Variants in KCNAB3 observed in about 807,000 individuals in gnomAD.
KCNAB3 encodes voltage-gated potassium channel subunit beta-3.
A neutral mutation model predicts 67.7 loss-of-function variants in KCNAB3; 62 were observed. The observed-to-expected ratio is 0.92, with a 90% CI of 0.75 to 1.13. The LOEUF (loss-of-function observed/expected upper bound fraction) is 1.13, where lower values mean the gene tolerates loss of function less well. Among genes scored for constraint, KCNAB3 ranks in the 50% most tolerant of loss-of-function variants. The pLI is 0.00. For synonymous variants in KCNAB3, 212 were observed against 205.4 expected, an observed-to-expected ratio of 1.03 and a Z score of -0.27; for missense variants, 514 against 522.9, an observed-to-expected ratio of 0.98 and a Z score of 0.17.
chr17:7,923,946 A>G (rs749101703), intron 11 of KCNAB3, 22 bp downstream of exon 11: 2 of 1,584,746 alleles, frequency 1.3e-6, no homozygotes, highest in Admixed American at 3.4e-5. Context: ...CAGTCCTGCC[A>G]TCGAGAGCCC....
Position 7,925,155 on chromosome 17 carries a change from C to T in KCNAB3, c.567G>A (p.Gln189=), listed in dbSNP as rs559870353. ...EGLRGSLERL[Q]LGYVDIVFAN... ...CAAAGACAATGTCCACGTATCCCAG[C>T]TGGAGGCGTTCCAGGGATCCTCGCA... The change falls in exon 8 of 14, where the codon CAG becomes CAA. Residue 189 remains glutamine (Q), a synonymous_variant. Coordinates refer to ENST00000303790, the MANE Select transcript of KCNAB3 (RefSeq NM_004732.4). 1 of 1,613,842 alleles carries T rather than the reference C, an allele frequency of 6.2e-7. No homozygotes were observed. Among genetic ancestry groups the T allele is most frequent in the African/African-American group, 1.3e-5 (1 of 75,008 alleles).
chr17:7,929,734 T>G lies in KCNAB3; in HGVS notation c.-299A>C. 6 of 1,244,504 alleles carry G rather than the reference T, an allele frequency of 4.8e-6. No homozygotes were observed. Among genetic ancestry groups the G allele is most frequent in the Non-Finnish European group, 5.1e-6 (5 of 986,096 alleles). The allele number at this position is 1,244,504 out of a possible 1,614,324, so 77.1% of individuals were successfully genotyped here. A position where few individuals can be genotyped will look rare whatever the true frequency, so the allele number is the denominator to read the frequency against. On this transcript the variant is annotated 5_prime_UTR_variant, in exon 1 of 14. Transcript: ENST00000303790. This position sits in a 1 kb window ranked among gnomAD's most constrained non-coding sequence, Gnocchi z 5.7. ...AATGGATGAGGGTAAAGGTCGAGGATGAGGTAAAGGTCTCGGAGGATAAGG... is the reference window on the plus strand; with the variant it reads ...AATGGATGAGGGTAAAGGTCGAGGAGGAGGTAAAGGTCTCGGAGGATAAGG...
rs1972094107 is a variant in KCNAB3 at position 7,923,090 on chromosome 17, G to A, written c.*12C>T. ...CAGCGACACCGGGTTGGGTCCCTGCGCCCGCGACAGACTACTTCTTGGAAT... is the reference window on the plus strand; with the variant it reads ...CAGCGACACCGGGTTGGGTCCCTGCACCCGCGACAGACTACTTCTTGGAAT... On this transcript the variant is annotated 3_prime_UTR_variant, in exon 14 of 14. Coordinates refer to ENST00000303790, the MANE Select transcript of KCNAB3 (RefSeq NM_004732.4). The A allele has an allele frequency of 6.2e-7, 1 of 1,613,598 alleles. No homozygotes were observed. Among genetic ancestry groups the A allele is most frequent in the Non-Finnish European group, 8.5e-7 (1 of 1,179,542 alleles).
At chr17:7,927,885 A>G in intron 1 of KCNAB3, 59 bp from the exon 2 acceptor site, 8 of 1,599,730 alleles carry the variant, frequency 5.0e-6, no homozygotes, top group Non-Finnish European at 6.8e-6. Context: ...TTAGATTATC[A>G]GCCCCCAGCT....
chr17:7,929,766 G>C lies in KCNAB3; in HGVS notation c.-331C>G, dbSNP rs1364048240. On this transcript the variant is annotated 5_prime_UTR_variant, in exon 1 of 14. Coordinates refer to ENST00000303790, the MANE Select transcript of KCNAB3 (RefSeq NM_004732.4). This position sits in a 1 kb window ranked among gnomAD's most constrained non-coding sequence, Gnocchi z 5.7. ...AAGGTCTCGGAGGATAAGGACCCAG[G>C]GGGAAGCGGGGCGGGAGAGAGATGC... The C allele has an allele frequency of 1.7e-6, 2 of 1,182,232 alleles. No individual in the cohort carries two copies. Among genetic ancestry groups the C allele is most frequent in the Non-Finnish European group, 2.1e-6 (2 of 948,882 alleles). 73.2% of individuals were successfully genotyped at this position (1,182,232 alleles called of 1,614,324 possible). A position where few individuals can be genotyped will look rare whatever the true frequency, so the allele number is the denominator to read the frequency against.
intron 9 of KCNAB3, 24 bp from the exon 10 acceptor site, chr17:7,924,289 A>G (rs779479251): frequency 1.2e-6 from 2 of 1,613,776 alleles, no homozygotes; most frequent in Non-Finnish European, 1.7e-6. Context: ...GGGGAAAAGA[A>G]AGTGGTCAGA....
chr17:7,929,045 A>C lies in KCNAB3; in HGVS notation c.242+149T>G. The C allele has an allele frequency of 8.0e-7, 1 of 1,243,280 alleles. No homozygotes were observed. Among genetic ancestry groups the C allele is most frequent in the Non-Finnish European group, 1.1e-6 (1 of 910,120 alleles). The allele number at this position is 1,243,280 out of a possible 1,614,324, so 77.0% of individuals were successfully genotyped here. A position where few individuals can be genotyped will look rare whatever the true frequency, so the allele number is the denominator to read the frequency against. The stretch of plus-strand genomic sequence containing the variant: ...TCGACAGAAACCAAGAGAGGGACAA[A>C]GTGAGGGAGTGCCAGAGACAGAAAG... On this transcript the variant is annotated intron_variant, in intron 1 of 13. Transcript: ENST00000303790. This position sits in a 1 kb window ranked among gnomAD's most constrained non-coding sequence, Gnocchi z 5.7.
chr17:7,929,754 A>C lies in KCNAB3; in HGVS notation c.-319T>G. 8.3e-7 allele frequency: 1 copy of C among 1,210,080 alleles called. No individual in the cohort carries two copies. Among genetic ancestry groups the C allele is most frequent in the South Asian group, 1.8e-5 (1 of 56,356 alleles). 75.0% of individuals were successfully genotyped at this position (1,210,080 alleles called of 1,614,324 possible). On this transcript the variant is annotated 5_prime_UTR_variant, in exon 1 of 14. Transcript: ENST00000303790. The surrounding 1 kb of genome is among the most constrained non-coding windows in gnomAD (Gnocchi z 5.7). ...GAGGATGAGGTAAAGGTCTCGGAGGATAAGGACCCAGGGGGAAGCGGGGCG... is the reference window on the plus strand; with the variant it reads ...GAGGATGAGGTAAAGGTCTCGGAGGCTAAGGACCCAGGGGGAAGCGGGGCG...
chr17:7,928,145 G>C, intron 1 of KCNAB3: 1 of 499,652 alleles, frequency 2.0e-6, no homozygotes, highest in Non-Finnish European at 3.6e-6. Flanking sequence ...TGAGTCATCT[G>C]TGGGTTGTGT....
chr17:7,928,109 CCTT>C lies in KCNAB3; in HGVS notation c.243-286_243-284del, dbSNP rs1041298892. On this transcript the variant is annotated intron_variant, in intron 1 of 13. Coordinates refer to ENST00000303790, the MANE Select transcript of KCNAB3 (RefSeq NM_004732.4). ...ATTGAAGACGTGCAGTCTGGTTTGT[CCTT>C]CTTCTGGGGTCTTGTCTGTGTTTGA... 15 of 561,294 alleles carry C rather than the reference CCTT, an allele frequency of 2.7e-5. No homozygotes were observed. The Admixed American group carries it at 3.4e-4, about 13-fold the overall frequency. 34.8% of individuals were successfully genotyped at this position (561,294 alleles called of 1,614,324 possible). A position where few individuals can be genotyped will look rare whatever the true frequency, so the allele number is the denominator to read the frequency against.
At position 7,922,915 on chromosome 17, in the gene KCNAB3, A is replaced by T. The variant is rs1972081366; in HGVS notation, c.*187T>A. The T allele has an allele frequency of 1.6e-6, 1 of 608,936 alleles. No individual in the cohort carries two copies. Among genetic ancestry groups the T allele is most frequent in the Non-Finnish European group, 3.0e-6 (1 of 338,268 alleles). The allele number at this position is 608,936 out of a possible 1,614,324, so 37.7% of individuals were successfully genotyped here. ...GGCGGGCGTGCTACTTTCTCTCTCG[A>T]CCCCACTGCAAAAGGATATGGCTTT... On this transcript the variant is annotated 3_prime_UTR_variant, in exon 14 of 14. Coordinates refer to ENST00000303790, the MANE Select transcript of KCNAB3 (RefSeq NM_004732.4).
intron 8 of KCNAB3, chr17:7,924,767 G>C: frequency 9.2e-7 from 1 of 1,090,670 alleles, no homozygotes; most frequent in Non-Finnish European, 1.2e-6. Flanking sequence ...TTTTGAGACA[G>C]GGTCTCACTC....
At chr17:7,924,978 C>G in intron 8 of KCNAB3, 119 bp downstream of exon 8, 1 of 860,472 alleles carries the variant, frequency 1.2e-6, no homozygotes, top group East Asian at 2.7e-5. Flanking sequence ...ACTCCAGGCC[C>G]CAAGTGATCC....
rs1318246362 is a variant in KCNAB3, at chr17:7,923,151, ACTGT to A, written c.1162_1165del (p.Thr388Ter). On this transcript the variant is annotated frameshift_variant, in exon 14 of 14. Transcript: ENST00000303790. LOFTEE classifies it high-confidence loss of function. ...TCCCAGGAGCCCGTCTATTTCCATC[ACTGT>A]CTGCGGGGTCAGCTGGCTCAGCACC... 3.7e-6 allele frequency: 6 copies of A among 1,613,942 alleles called. No individual in the cohort carries two copies. The highest frequency in any genetic ancestry group is 2.2e-5 in the East Asian group (1 of 44,868).
Position 7,925,666 on chromosome 17 carries a change from C to T in KCNAB3, c.538+17G>A. ...TCCATATCCCCTCACTTTGGGTTTC[C>T]AGCCCCTAACTCTCACCCTCAATGA... On this transcript the variant is annotated intron_variant, in intron 7 of 13. Coordinates refer to ENST00000303790, the MANE Select transcript of KCNAB3 (RefSeq NM_004732.4). 1 of 1,613,890 alleles carries T rather than the reference C, an allele frequency of 6.2e-7. No individual in the cohort carries two copies. Among genetic ancestry groups the T allele is most frequent in the Non-Finnish European group, 8.5e-7 (1 of 1,179,906 alleles).
chr17:7,929,817 C>CATAT lies in KCNAB3; in HGVS notation c.-383_-382insATAT. The CATAT allele has an allele frequency of 9.8e-7, 1 of 1,020,414 alleles. No homozygotes were observed. Among genetic ancestry groups the CATAT allele is most frequent in the Non-Finnish European group, 1.2e-6 (1 of 852,982 alleles). 63.2% of individuals were successfully genotyped at this position (1,020,414 alleles called of 1,614,324 possible). On this transcript the variant is annotated 5_prime_UTR_variant, in exon 1 of 14. In the 5' UTR this introduces an upstream ATG that the reference lacks. Coordinates refer to ENST00000303790, the MANE Select transcript of KCNAB3 (RefSeq NM_004732.4). This position sits in a 1 kb window ranked among gnomAD's most constrained non-coding sequence, Gnocchi z 5.7. ...CACTTCAGCGCGAACCGCTGCGGGA[C>CATAT]CCGCTGGGCTCCCAGCCGCGTCGGC... is the stretch of plus-strand genomic sequence containing the variant.
chr17:7,922,985 G>T lies in KCNAB3; in HGVS notation c.*117C>A. On this transcript the variant is annotated 3_prime_UTR_variant, in exon 14 of 14. Coordinates refer to ENST00000303790, the MANE Select transcript of KCNAB3 (RefSeq NM_004732.4). ...CGAAGCCGGGACTCGTTGGTGGGCG[G>T]GGCTAGTCTGGCTCCGGCCGCTGCG... is the stretch of plus-strand genomic sequence containing the variant. 2.2e-6 allele frequency: 2 copies of T among 912,432 alleles called. No homozygotes were observed. The highest frequency in any genetic ancestry group is 3.6e-6 in the Non-Finnish European group (2 of 554,536). 56.5% of individuals were successfully genotyped at this position (912,432 alleles called of 1,614,324 possible). A position where few individuals can be genotyped will look rare whatever the true frequency, so the allele number is the denominator to read the frequency against.
intron 8 of KCNAB3, 137 bp from the exon 9 acceptor site, chr17:7,924,637 T>C: frequency 3.6e-6 from 5 of 1,404,124 alleles, no homozygotes; most frequent in Non-Finnish European, 4.6e-6. Context: ...ACTCTTTGCC[T>C]CTCTTCCTGT....
At chr17:7,924,633 T>C in intron 8 of KCNAB3, 133 bp from the exon 9 acceptor site, 1 of 1,411,294 alleles carries the variant, frequency 7.1e-7, no homozygotes, top group Non-Finnish European at 9.2e-7. Context: ...ATCTACTCTT[T>C]GCCTCTCTTC....
Sources: gnomAD v4.1 joint callset for allele counts on GRCh38, gnomAD v4.1.1 for gene constraint, Gnocchi (gnomAD v3.1) non-coding constraint, MANE v1.5 for transcripts, NCBI Gene and HGNC (gene_info 2026-07-23, HGNC 2026-07-21) for gene names.